Variants in PHLPP1 observed in about 807,000 individuals in gnomAD.
The protein encoded by PHLPP1 is PH domain leucine-rich repeat-containing protein phosphatase 1.
In PHLPP1, 42 loss-of-function variants were observed where a neutral mutation model predicts 117.2. That is an observed-to-expected ratio of 0.36 (90% CI 0.28 to 0.46). The LOEUF (loss-of-function observed/expected upper bound fraction) is 0.46, where lower values mean the gene tolerates loss of function less well. Among genes scored for constraint, PHLPP1 ranks in the 20% least tolerant of loss-of-function variants. The probability of loss-of-function intolerance (pLI) is 1.00; values close to 1 mark genes in which losing one functional copy is unlikely to be tolerated. For synonymous variants in PHLPP1, 1,042 were observed against 970.7 expected (o/e 1.07, Z -1.37); for missense variants, 2,084 against 2,241.9 (o/e 0.93, Z 1.42).
chr18:62,772,377 T>G (rs551697718), intron 1 of PHLPP1, among the ~76,000 whole-genome samples: 1 of 152,282 alleles, frequency 6.6e-6, no homozygotes, highest in South Asian at 2.1e-4. Context: ...CAATAATTGA[T>G]GTGTAATAGT....
intron 4 of PHLPP1, among the ~76,000 whole-genome samples, chr18:62,875,766 C>G (rs905578706): frequency 6.6e-6 from 1 of 151,448 alleles, no homozygotes; most frequent in African/African-American, 2.4e-5. Flanking sequence ...CTCACTCTAT[C>G]CTCCCCCCGA....
At chr18:62,837,491 T>C (rs1371215994) in intron 2 of PHLPP1, among the ~76,000 whole-genome samples, 1 of 152,172 alleles carries the variant, frequency 6.6e-6, no homozygotes, top group Non-Finnish European at 1.5e-5. Context: ...AGAGGATGTA[T>C]CCATTTTTCT....
In PHLPP1 at chr18:62,822,810, A is replaced by T. The variant is rs1039384621; in HGVS notation, c.1577-7225A>T. Among the ~76,000 whole-genome samples, 3 of 152,234 alleles carry T rather than the reference A, an allele frequency of 2.0e-5. No individual in the cohort carries two copies. In the East Asian group the frequency reaches 5.8e-4, roughly 29 times the overall value. ...TCACTACTCAAGATAGTATGAAGGT[A>T]GACAAATAGAGTAATGGAAGGACTA... On this transcript the variant is annotated intron_variant, in intron 1 of 16. Transcript: ENST00000262719.
chr18:62,735,969 T>TAA (rs35683669), intron 1 of PHLPP1, among the ~76,000 whole-genome samples: 1 of 144,866 alleles, frequency 6.9e-6, no homozygotes, highest in Non-Finnish European at 1.5e-5. Context: ...CATAAAAAAT[T>TAA]AAAAAAAAAA....
At chr18:62,808,216 A>C (rs1235391780) in intron 1 of PHLPP1, among the ~76,000 whole-genome samples, 1 of 152,208 alleles carries the variant, frequency 6.6e-6, no homozygotes, top group Non-Finnish European at 1.5e-5. Flanking sequence ...AGTTAATCTT[A>C]GATAAGTAGG....
At position 62,931,461 on chromosome 18, in the gene PHLPP1, G is replaced by T. The variant is rs539861815; in HGVS notation, c.2961-10257G>T. Among the ~76,000 whole-genome samples, 29 of 151,650 alleles carry T rather than the reference G, an allele frequency of 1.9e-4. No homozygotes were observed. The South Asian group carries it at 5.8e-3, about 30-fold the overall frequency. On this transcript the variant is annotated intron_variant, in intron 10 of 16. Coordinates refer to ENST00000262719, the MANE Select transcript of PHLPP1 (RefSeq NM_194449.4). ...AAAAACAGAACACACTAAACCCAGA[G>T]CTAGCAGAAGAGAAGAAATAACTAA... is the stretch of plus-strand genomic sequence containing the variant.
At chr18:62,753,962 G>A (rs564570056) in intron 1 of PHLPP1, among the ~76,000 whole-genome samples, 1 of 152,270 alleles carries the variant, frequency 6.6e-6, no homozygotes, top group East Asian at 1.9e-4. Flanking sequence ...ATTTTCTTGA[G>A]CTGTCACCTA....
chr18:62,886,160 G>A (rs1468074273), intron 4 of PHLPP1, among the ~76,000 whole-genome samples: 2 of 152,184 alleles, frequency 1.3e-5, no homozygotes, highest in Non-Finnish European at 2.9e-5. Context: ...AATTAAAGCA[G>A]TGTTAGTAAT....
chr18:62,774,720 T>A (rs1236639524), intron 1 of PHLPP1, among the ~76,000 whole-genome samples: 15 of 152,222 alleles, frequency 9.9e-5, no homozygotes. Flanking sequence ...CCTTTTGTGG[T>A]GTCAACCTGC....
intron 10 of PHLPP1, among the ~76,000 whole-genome samples, chr18:62,930,822 G>A (rs1267342889): frequency 6.6e-6 from 1 of 152,112 alleles, no homozygotes; most frequent in African/African-American, 2.4e-5. Flanking sequence ...TCAAAAAATT[G>A]AAATCCTGTC....
intron 1 of PHLPP1, among the ~76,000 whole-genome samples, chr18:62,763,421 G>C (rs1912325942): frequency 6.6e-6 from 1 of 152,146 alleles, no homozygotes; most frequent in Admixed American, 6.5e-5. Context: ...CTGGACATCT[G>C]CTGTCTTCAG....
intron 1 of PHLPP1, among the ~76,000 whole-genome samples, chr18:62,785,725 A>T (rs1191043583): frequency 3.9e-5 from 6 of 152,180 alleles, no homozygotes; most frequent in Admixed American, 3.9e-4. Flanking sequence ...ATTACCGTTC[A>T]TGCTGGATTT....
chr18:62,788,828 A>G (rs1373477658), intron 1 of PHLPP1, among the ~76,000 whole-genome samples: 1 of 151,908 alleles, frequency 6.6e-6, no homozygotes. Flanking sequence ...TATATTTCTT[A>G]TATCTTAGGT....
At chr18:62,829,080 G>A (rs750290803) in intron 1 of PHLPP1, among the ~76,000 whole-genome samples, 169 of 152,246 alleles carry the variant, frequency 1.1e-3, no homozygotes, top group Non-Finnish European at 1.8e-3. Flanking sequence ...ACCTTTCTCA[G>A]TTCTCTTTCT....
chr18:62,912,368 TTATAAA>T (rs1599116351), intron 8 of PHLPP1, among the ~76,000 whole-genome samples: 1 of 150,894 alleles, frequency 6.6e-6, no homozygotes, highest in East Asian at 1.9e-4. Flanking sequence ...TTTTTTTTTA[TTATAAA>T]TATATAATTA....
intron 1 of PHLPP1, among the ~76,000 whole-genome samples, chr18:62,817,214 A>C (rs1914306228): frequency 6.6e-6 from 1 of 152,156 alleles, no homozygotes; most frequent in South Asian, 2.1e-4. Flanking sequence ...AAAGTGCTGG[A>C]ATTGTAGGTG....
intron 2 of PHLPP1, among the ~76,000 whole-genome samples, chr18:62,830,793 T>G (rs1914737827): frequency 6.6e-6 from 1 of 152,236 alleles, no homozygotes; most frequent in Non-Finnish European, 1.5e-5. Flanking sequence ...TTTATTGTCA[T>G]ATGTCAGAGT....
At chr18:62,781,491 A>T (rs1913118546) in intron 1 of PHLPP1, among the ~76,000 whole-genome samples, 1 of 152,100 alleles carries the variant, frequency 6.6e-6, no homozygotes, top group Admixed American at 6.5e-5. Context: ...CTGGCTCCAC[A>T]TCAGGCCTTT....
intron 14 of PHLPP1, among the ~76,000 whole-genome samples, chr18:62,965,395 G>A (rs1241483876): frequency 6.7e-6 from 1 of 149,808 alleles, no homozygotes; most frequent in East Asian, 2.0e-4. Context: ...TTCCTGTCAG[G>A]TCATTTCAGA....
Sources: allele counts gnomAD v4.1 joint callset (sites outside exome capture counted in the v4.1 genomes callset), GRCh38; gene constraint gnomAD v4.1.1; transcripts MANE v1.5; gene names NCBI Gene and HGNC (gene_info 2026-07-23, HGNC 2026-07-21).